PLEKHG1: variants seen among roughly 807,000 people sequenced by gnomAD.
The protein encoded by PLEKHG1 is pleckstrin homology and RhoGEF domain containing G1.
A neutral mutation model predicts 100.8 loss-of-function variants in PLEKHG1; 44 were observed. The observed-to-expected ratio is 0.44, with a 90% CI of 0.34 to 0.56. The LOEUF is 0.56. Among genes scored for constraint, PLEKHG1 ranks in the 20% least tolerant of loss-of-function variants. The probability of loss-of-function intolerance (pLI) is 0.01; values close to 1 mark genes in which losing one functional copy is unlikely to be tolerated. For synonymous variants in PLEKHG1, 640 were observed against 662.5 expected, an observed-to-expected ratio of 0.97 and a Z score of 0.52; for missense variants, 1,545 against 1,720.9, an observed-to-expected ratio of 0.90 and a Z score of 1.81.
At chr6:150,745,508 C>A (rs1205137433) in intron 2 of PLEKHG1, among the ~76,000 whole-genome samples, 1 of 152,008 alleles carries the variant, frequency 6.6e-6, no homozygotes, top group African/African-American at 2.4e-5. Flanking sequence ...CATGGTGAAA[C>A]CCCGGCTCTA....
rs1433780003 is a variant in PLEKHG1 at position 150,674,628 on chromosome 6, CCTCCCTCT to C, written c.-99+23846_-99+23853del. ...ATTACACCTGTAACTTTCTCTCTCT[CCTCCCTCT>C]CTCTCTCTCTCTCTCTCTCTCTCTC... On this transcript the variant is annotated intron_variant, in intron 3 of 3. Coordinates refer to the PLEKHG1 transcript ENST00000367326. Among the ~76,000 whole-genome samples the C allele has an allele frequency of 5.6e-3, 292 of 51,882 alleles. 17 individuals carry two copies. The highest frequency in any genetic ancestry group is 0.017 in the African/African-American group (222 of 13,118). 34.0% of individuals were successfully genotyped at this position (51,882 alleles called of 152,430 possible).
intron 10 of PLEKHG1, among the ~76,000 whole-genome samples, chr6:150,815,624 A>C (rs2128674459): frequency 6.6e-6 from 1 of 152,350 alleles, no homozygotes; most frequent in African/African-American, 2.4e-5. Context: ...AGAGATAGCT[A>C]TCAGGTTACA....
intron 2 of PLEKHG1, among the ~76,000 whole-genome samples, chr6:150,638,514 GC>G (rs1191478748): frequency 3.3e-5 from 5 of 152,026 alleles, no homozygotes; most frequent in Non-Finnish European, 7.4e-5. Context: ...TCCCTCTCTT[GC>G]CAGGGTCACT....
chr6:150,660,169 C>T (rs1284333315), intron 3 of PLEKHG1, among the ~76,000 whole-genome samples: 1 of 151,880 alleles, frequency 6.6e-6, no homozygotes, highest in Non-Finnish European at 1.5e-5. Context: ...CTCAGCCTCC[C>T]AAAGTGCTGG....
At chr6:150,838,999 G>A (rs73011303) in intron 15 of PLEKHG1, among the ~76,000 whole-genome samples, 37,297 of 152,110 alleles carry the variant, frequency 0.25, 4,852 homozygotes, top group East Asian at 0.39. Flanking sequence ...GAAGCAAGAA[G>A]CGCAGCAACA....
At chr6:150,741,797 A>C (rs1782872847) in intron 2 of PLEKHG1, among the ~76,000 whole-genome samples, 1 of 152,194 alleles carries the variant, frequency 6.6e-6, no homozygotes, top group East Asian at 1.9e-4. Context: ...CCCTCTTCTT[A>C]ATCTCTCTAG....
intron 3 of PLEKHG1, among the ~76,000 whole-genome samples, chr6:150,781,037 C>A (rs970447067): frequency 7.3e-5 from 11 of 151,638 alleles, no homozygotes; most frequent in Admixed American, 3.3e-4. Flanking sequence ...CCACGCCCAG[C>A]TAATTTTTGT....
chr6:150,832,353 T>C, intron 15 of PLEKHG1, 148 bp downstream of exon 16: 3 of 660,438 alleles, frequency 4.5e-6, no homozygotes, highest in Non-Finnish European at 7.5e-6. Flanking sequence ...AAAGCCATAC[T>C]GGCCTTTCTC....
chr6:150,727,657 T>C (rs971895325), intron 1 of PLEKHG1, among the ~76,000 whole-genome samples: 1 of 152,196 alleles, frequency 6.6e-6, no homozygotes, highest in African/African-American at 2.4e-5. Flanking sequence ...CCAGTGCTTT[T>C]CATTGTGCGA....
chr6:150,644,352 T>TTTTTTTTTTTTTTTTTTTTG (rs1582872452), intron 2 of PLEKHG1, among the ~76,000 whole-genome samples: 1 of 148,280 alleles, frequency 6.7e-6, no homozygotes, highest in East Asian at 2.0e-4. Flanking sequence ...TTTTTTTTTT[T>TTTTTTTTTTTTTTTTTTTTG]GTTACAGAGT....
At chr6:150,836,822 C>CA (rs58375227) in intron 15 of PLEKHG1, among the ~76,000 whole-genome samples, 8,745 of 131,202 alleles carry the variant, frequency 0.067, 817 homozygotes, top group African/African-American at 0.22. Context: ...GACCCTGTCT[C>CA]AAAAAAAAAA....
At chr6:150,720,204 T>G (rs1188151515), upstream of PLEKHG1, among the ~76,000 whole-genome samples, 1 of 152,218 alleles carries the variant, frequency 6.6e-6, no homozygotes, top group African/African-American at 2.4e-5. Context: ...TTTTTGTGCT[T>G]CTGGAGACCT....
rs752283311 is a variant in PLEKHG1 at position 150,768,749 on chromosome 6, ATT to A, written c.512+12_512+13del. On this transcript the variant is annotated intron_variant, in intron 3 of 15. Transcript: ENST00000358517. ...CTACCACTTCAATAGGTAAGTTAAT[ATT>A]CAAAAGATTGTTCTCACATACGAGC... is the stretch of plus-strand genomic sequence containing the variant. 1.4e-6 allele frequency: 2 copies of A among 1,399,106 alleles called. No individual in the cohort carries two copies. The highest frequency in any genetic ancestry group is 2.3e-5 in the South Asian group (2 of 86,240). The allele number at this position is 1,399,106 out of a possible 1,614,324, so 86.7% of individuals were successfully genotyped here.
intron 10 of PLEKHG1, 39 bp from the exon 12 acceptor site, chr6:150,818,144 A>G: frequency 6.4e-7 from 1 of 1,558,904 alleles, no homozygotes; most frequent in Non-Finnish European, 8.8e-7. Context: ...AAAGAAAAAA[A>G]AAGCAATTGG....
intron 3 of PLEKHG1, among the ~76,000 whole-genome samples, chr6:150,659,347 ACT>A (rs1779093796): frequency 1.3e-5 from 2 of 151,916 alleles, no homozygotes; most frequent in African/African-American, 2.4e-5. Flanking sequence ...TACAACCAGA[ACT>A]CTCTCTGCTC....
intron 2 of PLEKHG1, among the ~76,000 whole-genome samples, chr6:150,763,005 A>G (rs1327679134): frequency 2.9e-5 from 4 of 137,950 alleles, no homozygotes; most frequent in African/African-American, 1.1e-4. Flanking sequence ...TTTGAGCACC[A>G]ACAGGAGGGA....
chr6:150,820,691 C>T, intron 12 of PLEKHG1, among the ~76,000 whole-genome samples: 1 of 151,934 alleles, frequency 6.6e-6, no homozygotes, highest in East Asian at 1.9e-4. Context: ...ATGGTGAAAC[C>T]CTATCTCTAC....
At chr6:150,796,224 G>T (rs1325942231) in intron 5 of PLEKHG1, among the ~76,000 whole-genome samples, 1 of 152,194 alleles carries the variant, frequency 6.6e-6, no homozygotes, top group Non-Finnish European at 1.5e-5. Flanking sequence ...ACCCTTTTCT[G>T]TGTGTGTCAT....
chr6:150,711,341 A>T (rs1781235362), intron 3 of PLEKHG1, among the ~76,000 whole-genome samples: 1 of 152,158 alleles, frequency 6.6e-6, no homozygotes, highest in Admixed American at 6.5e-5. Flanking sequence ...GAATCCCTTC[A>T]GTTAGGTATT....
Sources: allele counts gnomAD v4.1 joint callset (sites outside exome capture counted in the v4.1 genomes callset), GRCh38; gene constraint gnomAD v4.1.1; transcripts MANE v1.5; gene names NCBI Gene and HGNC (gene_info 2026-07-23, HGNC 2026-07-21).